Variants in FKBP5 observed in about 807,000 individuals in gnomAD.
FKBP5 encodes peptidyl-prolyl cis-trans isomerase FKBP5.
Under a neutral mutation model 50.5 loss-of-function variants are expected in FKBP5, and 23 were observed. The observed-to-expected ratio is 0.46, with a 90% CI of 0.33 to 0.65. The LOEUF is 0.65. Among genes scored for constraint, FKBP5 ranks in the 30% least tolerant of loss-of-function variants. FKBP5 has a pLI of 0.02. For missense variants in FKBP5, 411 were observed against 553.1 expected, an observed-to-expected ratio of 0.74 and a Z score of 2.58; for synonymous variants, 176 against 190.6, an observed-to-expected ratio of 0.92 and a Z score of 0.63.
chr6:35,609,279 A>T (rs1359255050), intron 5 of FKBP5, among the ~76,000 whole-genome samples: 1 of 152,110 alleles, frequency 6.6e-6, no homozygotes, highest in Non-Finnish European at 1.5e-5. Context: ...AAAGAATATG[A>T]GTCTGCAAAT....
chr6:35,715,111 G>A (rs1333547914), intron 2 of FKBP5, among the ~76,000 whole-genome samples: 2 of 152,120 alleles, frequency 1.3e-5, no homozygotes, highest in East Asian at 3.9e-4. Flanking sequence ...TGTTGGCCAG[G>A]CTGCTCTTGA....
chr6:35,721,252 C>T (rs981336878), intron 1 of FKBP5, among the ~76,000 whole-genome samples: 5 of 151,468 alleles, frequency 3.3e-5, no homozygotes, highest in South Asian at 2.1e-4. Flanking sequence ...CTTGGGAGGC[C>T]GAGGCAGGAA....
intron 2 of FKBP5, among the ~76,000 whole-genome samples, chr6:35,709,391 T>C (rs1766377248): frequency 6.6e-6 from 1 of 152,166 alleles, no homozygotes; most frequent in Non-Finnish European, 1.5e-5. Context: ...AAAAGCAAGG[T>C]GCAAGCAATG....
Position 35,577,085 on chromosome 6 carries a change from G to T in FKBP5, c.1175C>A (p.Ser392Tyr), listed in dbSNP as rs1360651213. The change falls in exon 10 of 11, where the codon TCC becomes TAC. Residue 392 changes from serine to tyrosine, a missense_variant. By Grantham distance (144) the Ser-to-Tyr change is moderately radical (BLOSUM62 -2). This residue lies in a region of FKBP5 where 88 missense variants were observed against 89.0 expected (regional missense o/e 0.99). Transcript: ENST00000357266. ...CTCCTTGGCCTTTTTCTGGCACATG[G>T]AGATCTGCAGTCTTGCAGCCTTATT... ...PQNKAARLQI[S>Y]MCQKKAKEHN... The T allele has an allele frequency of 6.2e-7, 1 of 1,614,148 alleles. No homozygotes were observed. The highest frequency in any genetic ancestry group is 8.5e-7 in the Non-Finnish European group (1 of 1,180,026).
intron 5 of FKBP5, among the ~76,000 whole-genome samples, chr6:35,606,532 C>T (rs939970628): frequency 3.3e-5 from 5 of 151,378 alleles, no homozygotes; most frequent in Non-Finnish European, 5.9e-5. Flanking sequence ...TGGTGGTGGG[C>T]GCCTGTAGTC....
chr6:35,705,069 A>G (rs1391859283), intron 2 of FKBP5, among the ~76,000 whole-genome samples: 1 of 150,678 alleles, frequency 6.6e-6, no homozygotes, highest in East Asian at 2.0e-4. Context: ...TGAACCTGGG[A>G]GGTGGAGCTT....
chr6:35,693,379 G>A (rs1323861054), upstream of FKBP5, among the ~76,000 whole-genome samples: 1 of 151,606 alleles, frequency 6.6e-6, no homozygotes, highest in Non-Finnish European at 1.5e-5. Context: ...TAGCCAGGAT[G>A]GTCTCAATCG....
intron 7 of FKBP5, among the ~76,000 whole-genome samples, chr6:35,589,128 A>ATATAT (rs1427010607): frequency 0.018 from 2,246 of 121,498 alleles, 46 homozygotes; most frequent in African/African-American, 0.036. Context: ...ATATATATAT[A>ATATAT]TTTTTTTTTT....
At chr6:35,633,542 C>CAAA (rs10714201) in intron 3 of FKBP5, among the ~76,000 whole-genome samples, 2 of 91,606 alleles carry the variant, frequency 2.2e-5, no homozygotes, top group African/African-American at 8.4e-5. Flanking sequence ...GATTCCATCT[C>CAAA]AAAAAAAAAA....
intron 2 of FKBP5, among the ~76,000 whole-genome samples, chr6:35,703,661 A>G (rs1006452987): frequency 9.2e-5 from 14 of 152,150 alleles, no homozygotes; most frequent in African/African-American, 2.9e-4. Flanking sequence ...AAATTCCTCT[A>G]TTATGGGTTT....
chr6:35,579,534 A>G (rs1252597679), intron 9 of FKBP5, among the ~76,000 whole-genome samples: 2 of 152,218 alleles, frequency 1.3e-5, no homozygotes, highest in Non-Finnish European at 2.9e-5. Flanking sequence ...GATAGTATTA[A>G]TAAGACAAAT....
At chr6:35,700,161 T>C (rs1766154190) in intron 2 of FKBP5, among the ~76,000 whole-genome samples, 1 of 152,168 alleles carries the variant, frequency 6.6e-6, no homozygotes, top group South Asian at 2.1e-4. Flanking sequence ...ACTTCTTTTT[T>C]ATTTTATTTA....
chr6:35,589,077 T>C (rs1762711330), intron 7 of FKBP5, among the ~76,000 whole-genome samples: 1 of 142,586 alleles, frequency 7.0e-6, no homozygotes, highest in Admixed American at 7.2e-5. Flanking sequence ...TGTGTATATA[T>C]TTATATATAT....
intron 10 of FKBP5, among the ~76,000 whole-genome samples, chr6:35,576,330 G>C (rs912686211): frequency 4.8e-4 from 73 of 151,998 alleles, no homozygotes; most frequent in African/African-American, 1.7e-3. Context: ...TGGGAAAATC[G>C]TAAGTCTTAC....
chr6:35,670,014 TTCTG>T (rs1765340723), intron 1 of FKBP5, among the ~76,000 whole-genome samples: 1 of 152,200 alleles, frequency 6.6e-6, no homozygotes, highest in Non-Finnish European at 1.5e-5. Context: ...TATGCTCATT[TTCTG>T]TCTTTGTTTT....
intron 1 of FKBP5, among the ~76,000 whole-genome samples, chr6:35,648,156 T>G (rs527584422): frequency 6.6e-6 from 1 of 152,348 alleles, no homozygotes; most frequent in African/African-American, 2.4e-5. Flanking sequence ...CCATGTTAGA[T>G]GATCCTAATG....
At chr6:35,613,588 A>G (rs1217515388) in intron 5 of FKBP5, among the ~76,000 whole-genome samples, 2 of 152,228 alleles carry the variant, frequency 1.3e-5, no homozygotes, top group Admixed American at 1.3e-4. Context: ...GCAAACCAGT[A>G]AAGACTGAGA....
chr6:35,626,519 C>T (rs1764003450), intron 3 of FKBP5, among the ~76,000 whole-genome samples: 1 of 152,056 alleles, frequency 6.6e-6, no homozygotes, highest in African/African-American at 2.4e-5. Context: ...AAAGCATTTA[C>T]CATCTTAGCT....
At chr6:35,711,081 A>G (rs560798362) in intron 2 of FKBP5, among the ~76,000 whole-genome samples, 2 of 152,218 alleles carry the variant, frequency 1.3e-5, no homozygotes, top group Admixed American at 6.5e-5. Context: ...TCACTTTGGG[A>G]GGCTGAGGTA....
Sources: allele counts gnomAD v4.1 joint callset (sites outside exome capture counted in the v4.1 genomes callset), GRCh38; gene constraint gnomAD v4.1.1; regional missense constraint gnomAD v4.1.1; transcripts MANE v1.5; gene names NCBI Gene and HGNC (gene_info 2026-07-23, HGNC 2026-07-21).